Variants in ELOVL2 observed in about 807,000 individuals in gnomAD.
ELOVL2 encodes the protein very long chain fatty acid elongase 2.
Under a neutral mutation model 37.7 loss-of-function variants are expected in ELOVL2, and 38 were observed. The ratio of observed to expected loss-of-function variants is 1.01; its 90% CI spans 0.78 to 1.32. ELOVL2 has a LOEUF of 1.32. Ranked by LOEUF, ELOVL2 falls within the 40% of genes most tolerant of loss-of-function variation. The probability of loss-of-function intolerance (pLI) is 0.00; values close to 1 mark genes in which losing one functional copy is unlikely to be tolerated. For synonymous variants in ELOVL2, 115 were observed against 122.3 expected (o/e 0.94, Z 0.40); for missense variants, 352 against 363.6 (o/e 0.97, Z 0.26).
intron 2 of ELOVL2, among the ~76,000 whole-genome samples, chr6:11,009,163 C>T (rs928424711): frequency 1.3e-5 from 2 of 152,108 alleles, no homozygotes; most frequent in African/African-American, 2.4e-5. Context: ...TGGGAGAAAT[C>T]GCTGTTGGTA....
intron 1 of ELOVL2, among the ~76,000 whole-genome samples, chr6:11,031,938 C>T (rs112021314): frequency 1.7e-3 from 261 of 152,236 alleles, no homozygotes; most frequent in African/African-American, 5.9e-3. Flanking sequence ...AGTGCTACTC[C>T]TCTCTTATAG....
intron 2 of ELOVL2, among the ~76,000 whole-genome samples, chr6:11,010,133 C>G (rs1181398764): frequency 1.3e-5 from 2 of 151,006 alleles, no homozygotes; most frequent in Non-Finnish European, 2.9e-5. Context: ...AAGTGATTCT[C>G]CTGCCTCAGC....
chr6:11,030,526 C>T (rs1782914290), intron 1 of ELOVL2, among the ~76,000 whole-genome samples: 1 of 152,144 alleles, frequency 6.6e-6, no homozygotes, highest in Non-Finnish European at 1.5e-5. Context: ...GAGTCTCGCT[C>T]TGTCACCCAG....
At chr6:10,986,110 A>C (rs1031220555) in intron 7 of ELOVL2, among the ~76,000 whole-genome samples, 1 of 152,152 alleles carries the variant, frequency 6.6e-6, no homozygotes, top group Non-Finnish European at 1.5e-5. Context: ...CTTTGAAGCA[A>C]TTGTGAATGG....
At chr6:11,033,125 A>G (rs1415190892) in intron 1 of ELOVL2, among the ~76,000 whole-genome samples, 3 of 152,096 alleles carry the variant, frequency 2.0e-5, no homozygotes, top group African/African-American at 7.2e-5. Context: ...ATGTCTACCT[A>G]TCTTGCCCCC....
intron 1 of ELOVL2, among the ~76,000 whole-genome samples, chr6:11,033,537 A>T (rs138155445): frequency 6.6e-6 from 1 of 152,346 alleles, no homozygotes; most frequent in African/African-American, 2.4e-5. Flanking sequence ...CTGATTATGT[A>T]GAGCTCTTAA....
intron 3 of ELOVL2, among the ~76,000 whole-genome samples, chr6:11,004,800 A>G (rs774728559): frequency 2.0e-5 from 3 of 152,192 alleles, no homozygotes; most frequent in Non-Finnish European, 4.4e-5. Flanking sequence ...AAATTGTAAC[A>G]TGATCTTGAA....
chr6:11,013,189 GA>G (rs1782612934), intron 1 of ELOVL2, among the ~76,000 whole-genome samples: 1 of 152,210 alleles, frequency 6.6e-6, no homozygotes. Context: ...CCAATGCTGG[GA>G]AAATCAGAAA....
intron 1 of ELOVL2, among the ~76,000 whole-genome samples, chr6:11,011,361 G>A (rs1782579423): frequency 7.1e-6 from 1 of 140,804 alleles, no homozygotes; most frequent in Non-Finnish European, 1.5e-5. Flanking sequence ...GTGAGACTCT[G>A]TCTCAAAAAA....
intron 1 of ELOVL2, among the ~76,000 whole-genome samples, chr6:11,041,491 G>T (rs7774352): frequency 0.046 from 6,970 of 152,236 alleles, 536 homozygotes; most frequent in African/African-American, 0.16. Context: ...AGAATCGAAA[G>T]AGAAAAAGGC....
At chr6:10,996,222 A>G (rs894406976) in intron 4 of ELOVL2, among the ~76,000 whole-genome samples, 3 of 152,254 alleles carry the variant, frequency 2.0e-5, no homozygotes, top group Admixed American at 2.0e-4. Context: ...ATCATAAGGT[A>G]CGGCCGCAAC....
rs539769822 is a variant in ELOVL2, at chr6:11,043,714, C to A, written c.3+514G>T. The A allele has an allele frequency of 5.9e-4, 92 of 155,114 alleles. 1 individual carries two copies. The highest frequency in any genetic ancestry group is 2.0e-3 in the African/African-American group (85 of 41,596). 9.6% of individuals were successfully genotyped at this position (155,114 alleles called of 1,614,324 possible). ...AGGCGCGGTGAAGGGAGGAGAGGGGCAAGAGCTTGACCGTTAGGGCCCGAA... is the reference window on the plus strand; with the variant it reads ...AGGCGCGGTGAAGGGAGGAGAGGGGAAAGAGCTTGACCGTTAGGGCCCGAA... On this transcript the variant is annotated intron_variant, in intron 1 of 7. Coordinates refer to ENST00000354666, the MANE Select transcript of ELOVL2 (RefSeq NM_017770.4).
At chr6:11,029,057 CAAA>C (rs61212546) in intron 1 of ELOVL2, among the ~76,000 whole-genome samples, 1,991 of 83,398 alleles carry the variant, frequency 0.024, 30 homozygotes, top group East Asian at 0.16. Flanking sequence ...TTTGTCTCTA[CAAA>C]AAAAAAAAAA....
At chr6:11,028,366 C>T (rs1007422462) in intron 1 of ELOVL2, among the ~76,000 whole-genome samples, 2 of 152,158 alleles carry the variant, frequency 1.3e-5, no homozygotes, top group African/African-American at 4.8e-5. Context: ...AGTCTGGCCA[C>T]TGTATAGAGA....
rs540776611 is a variant in ELOVL2 at position 11,011,093 on chromosome 6, G to A, written c.4-284C>T. On this transcript the variant is annotated intron_variant, in intron 1 of 7. Coordinates refer to ENST00000354666, the MANE Select transcript of ELOVL2 (RefSeq NM_017770.4). ...AAACATTGAAGGGTTGGCCAGGCGC[G>A]GTGTCTCACACCTGTAATCGCAGCA... Among the ~76,000 whole-genome samples the A allele has an allele frequency of 1.3e-4, 20 of 152,220 alleles. No individual in the cohort carries two copies. The South Asian group carries it at 3.5e-3, about 27-fold the overall frequency.
chr6:11,026,114 T>G (rs1581878471), intron 1 of ELOVL2, among the ~76,000 whole-genome samples: 1 of 152,188 alleles, frequency 6.6e-6, no homozygotes, highest in South Asian at 2.1e-4. Flanking sequence ...TATGACAGCG[T>G]GGCTTCCCCT....
intron 6 of ELOVL2, 108 bp downstream of exon 6, chr6:10,990,210 A>C: frequency 7.0e-7 from 1 of 1,423,838 alleles, no homozygotes; most frequent in Non-Finnish European, 9.5e-7. Flanking sequence ...TTGGAAAAAA[A>C]ATGGGCAGCC....
intron 1 of ELOVL2, among the ~76,000 whole-genome samples, chr6:11,022,488 A>G (rs1457043889): frequency 6.6e-6 from 1 of 152,230 alleles, no homozygotes; most frequent in Non-Finnish European, 1.5e-5. Context: ...AGAACTCTTG[A>G]AAAAACTCTC....
At chr6:11,038,629 A>G (rs1464079110) in intron 1 of ELOVL2, among the ~76,000 whole-genome samples, 1 of 152,222 alleles carries the variant, frequency 6.6e-6, no homozygotes, top group African/African-American at 2.4e-5. Flanking sequence ...ATAGAAATAC[A>G]TATGCATTTT....
Sources: allele counts gnomAD v4.1 joint callset (sites outside exome capture counted in the v4.1 genomes callset), GRCh38; gene constraint gnomAD v4.1.1; transcripts MANE v1.5; gene names NCBI Gene and HGNC (gene_info 2026-07-23, HGNC 2026-07-21).